The following RCOR3 variants were observed in gnomAD, a reference collection of about 807,000 sequenced individuals.
RCOR3 encodes the protein REST corepressor 3.
Under a neutral mutation model 64.1 loss-of-function variants are expected in RCOR3, and 13 were observed. The ratio of observed to expected loss-of-function variants is 0.20; its 90% CI spans 0.13 to 0.32. RCOR3 has a LOEUF of 0.32. Among genes scored for constraint, RCOR3 ranks in the 10% least tolerant of loss-of-function variants. The pLI is 1.00. For synonymous variants in RCOR3, 215 were observed against 239.0 expected, an observed-to-expected ratio of 0.90 and a Z score of 0.93; for missense variants, 489 against 701.2, an observed-to-expected ratio of 0.70 and a Z score of 3.42.
chr1:211,291,373 G>A (rs1193107825), intron 8 of RCOR3, among the ~76,000 whole-genome samples: 2 of 152,090 alleles, frequency 1.3e-5, no homozygotes, highest in Non-Finnish European at 2.9e-5. Context: ...GGAGCATTTT[G>A]GATTTTGGGT....
rs765587673 is a variant in RCOR3, at chr1:211,313,391, C to A, written c.1318-33C>A. On this transcript the variant is annotated intron_variant, in intron 11 of 11. Coordinates refer to ENST00000419091, the MANE Select transcript of RCOR3 (RefSeq NM_001136223.3). This position sits in a 1 kb window ranked among gnomAD's most constrained non-coding sequence, Gnocchi z 4.7. ...GTATTAAGTTCATTAGGACTTACAT[C>A]TCATACGTGTATTTTTGTTTCCTCA... The A allele has an allele frequency of 6.3e-7, 1 of 1,590,430 alleles. No homozygotes were observed.
rs755781408 is a variant in RCOR3 at position 211,312,091 on chromosome 1, G to GA, written c.1076-621dup. ...GATGAGTTAAAATCCAACTGACTCT[G>GA]AAAAAAAATCTTCTCTTTTTTCAAA... On this transcript the variant is annotated intron_variant, in intron 10 of 11. Transcript: ENST00000419091. The surrounding 1 kb of genome is among the most constrained non-coding windows in gnomAD (Gnocchi z 5.0). 6 of 218,828 alleles carry GA rather than the reference G, an allele frequency of 2.7e-5. No homozygotes were observed. Among genetic ancestry groups the GA allele is most frequent in the South Asian group, 1.2e-4 (2 of 16,726 alleles). The allele number at this position is 218,828 out of a possible 1,614,324, so 13.6% of individuals were successfully genotyped here. A position where few individuals can be genotyped will look rare whatever the true frequency, so the allele number is the denominator to read the frequency against.
At chr1:211,259,883 C>A in intron 1 of RCOR3, 157 bp downstream of exon 1, 3 of 1,078,270 alleles carry the variant, frequency 2.8e-6, no homozygotes, top group African/African-American at 1.8e-5. Context: ...AGCACCCCCG[C>A]GACCCCCCGT....
intron 7 of RCOR3, among the ~76,000 whole-genome samples, chr1:211,280,163 GT>G (rs1697580661): frequency 6.6e-6 from 1 of 152,174 alleles, no homozygotes; most frequent in Admixed American, 6.5e-5. Flanking sequence ...CTGGGCAGCT[GT>G]TTTGAACATT....
At chr1:211,272,863 C>T (rs934563365) in intron 3 of RCOR3, among the ~76,000 whole-genome samples, 1 of 151,500 alleles carries the variant, frequency 6.6e-6, no homozygotes, top group South Asian at 2.1e-4. Flanking sequence ...CCTCGTGATC[C>T]GCCCGCCTCG....
chr1:211,282,876 A>T (rs894356515), intron 7 of RCOR3, among the ~76,000 whole-genome samples: 1 of 152,150 alleles, frequency 6.6e-6, no homozygotes, highest in African/African-American at 2.4e-5. Flanking sequence ...CTTTCTTTAT[A>T]GTTTTATCAC....
chr1:211,278,007 C>T (rs1697251833), intron 5 of RCOR3, 110 bp from the exon 6 acceptor site: 2 of 910,244 alleles, frequency 2.2e-6, no homozygotes, highest in Admixed American at 5.9e-5. Context: ...CATAAAGGTA[C>T]CCATGAAATA....
At chr1:211,300,645 T>C (rs1700282886) in intron 9 of RCOR3, among the ~76,000 whole-genome samples, 1 of 152,256 alleles carries the variant, frequency 6.6e-6, no homozygotes, top group Non-Finnish European at 1.5e-5. Flanking sequence ...CTCATTATTT[T>C]ACTGTGTTAA....
intron 9 of RCOR3, chr1:211,301,787 G>A (rs1700409514): frequency 6.6e-6 from 1 of 151,854 alleles, no homozygotes; most frequent in Non-Finnish European, 1.5e-5. Context: ...CTTCTGATTT[G>A]TAAGCTTTCT....
Position 211,259,528 on chromosome 1 carries a change from T to G in RCOR3, c.-33T>G. The G allele has an allele frequency of 6.5e-7, 1 of 1,533,748 alleles. No individual in the cohort carries two copies. The highest frequency in any genetic ancestry group is 8.8e-7 in the Non-Finnish European group (1 of 1,138,948). ...CCGCCTTCACCCTGACGCCTGCCTC[T>G]TCCCCTCACCTTTCCCCCTCCCCTG... is the stretch of plus-strand genomic sequence containing the variant. On this transcript the variant is annotated 5_prime_UTR_variant, in exon 1 of 12. Coordinates refer to ENST00000419091, the MANE Select transcript of RCOR3 (RefSeq NM_001136223.3).
Position 211,259,395 on chromosome 1 carries a change from G to C in RCOR3, c.-166G>C, listed in dbSNP as rs1315602721. The C allele has an allele frequency of 1.3e-5, 8 of 619,052 alleles. No individual in the cohort carries two copies. The highest frequency in any genetic ancestry group is 3.4e-5 in the Admixed American group (1 of 29,556). The allele number at this position is 619,052 out of a possible 1,614,324, so 38.3% of individuals were successfully genotyped here. On this transcript the variant is annotated 5_prime_UTR_variant, in exon 1 of 12. Coordinates refer to ENST00000419091, the MANE Select transcript of RCOR3 (RefSeq NM_001136223.3). ...TTGTGAGGCGACTGCGCTACTGCCG[G>C]AGCGGGGCGGTTATGGCGGCTCCAT...
At position 211,312,043 on chromosome 1, in the gene RCOR3, CCATT is replaced by C. The variant is rs1429140584; in HGVS notation, c.1076-674_1076-671del. Among the ~76,000 whole-genome samples the C allele has an allele frequency of 6.6e-6, 1 of 152,248 alleles. No individual in the cohort carries two copies. Among genetic ancestry groups the C allele is most frequent in the Non-Finnish European group, 1.5e-5 (1 of 67,996 alleles). ...TATTCTTTAAGCTATCATCTTTCAT[CCATT>C]CAGTCTTTAAAACTACTAGATGAGT... On this transcript the variant is annotated intron_variant, in intron 10 of 11. Coordinates refer to ENST00000419091, the MANE Select transcript of RCOR3 (RefSeq NM_001136223.3). This position sits in a 1 kb window ranked among gnomAD's most constrained non-coding sequence, Gnocchi z 5.0.
At chr1:211,267,356 C>G (rs1695380865) in intron 2 of RCOR3, among the ~76,000 whole-genome samples, 1 of 152,186 alleles carries the variant, frequency 6.6e-6, no homozygotes, top group South Asian at 2.1e-4. Flanking sequence ...TATCAGTCAT[C>G]TCTTGGGCCT....
At chr1:211,308,131 T>C (rs1323965439) in intron 10 of RCOR3, among the ~76,000 whole-genome samples, 2 of 152,178 alleles carry the variant, frequency 1.3e-5, no homozygotes, top group South Asian at 2.1e-4. Flanking sequence ...ATGCATATCT[T>C]TTCATCTGAA....
At chr1:211,262,235 A>G (rs1694448934) in intron 2 of RCOR3, among the ~76,000 whole-genome samples, 2 of 151,412 alleles carry the variant, frequency 1.3e-5, no homozygotes, top group African/African-American at 4.8e-5. Context: ...ATGGGGTTTC[A>G]CTGTGTTGGC....
chr1:211,273,412 T>C (rs1255213991), intron 3 of RCOR3, among the ~76,000 whole-genome samples: 1 of 152,208 alleles, frequency 6.6e-6, no homozygotes, highest in Non-Finnish European at 1.5e-5. Flanking sequence ...GAATCAGGAT[T>C]CTTAACCACT....
At chr1:211,304,711 T>C (rs756152772) in intron 10 of RCOR3, among the ~76,000 whole-genome samples, 26 of 152,254 alleles carry the variant, frequency 1.7e-4, no homozygotes, top group Non-Finnish European at 2.6e-4. Context: ...GCATTTTCAA[T>C]GCACTATTTC....
intron 7 of RCOR3, among the ~76,000 whole-genome samples, chr1:211,285,399 T>C (rs1318670204): frequency 6.6e-6 from 1 of 152,220 alleles, no homozygotes; most frequent in Non-Finnish European, 1.5e-5. Flanking sequence ...TAATCTAACT[T>C]CTTGCCATAA....
chr1:211,260,101 T>C lies in RCOR3; in HGVS notation c.167-7T>C, dbSNP rs1411374397. ...TTTTATATATATTTTTTGGCATTGC[T>C]TTGCAGATGTTGGGATGAGAGTCGG... On this transcript the variant is annotated splice_polypyrimidine_tract_variant and splice_region_variant and intron_variant, in intron 1 of 11. Transcript: ENST00000419091. 1.2e-6 allele frequency: 2 copies of C among 1,608,556 alleles called. No homozygotes were observed. Among genetic ancestry groups the C allele is most frequent in the Non-Finnish European group, 8.5e-7 (1 of 1,176,620 alleles).
Sources: allele counts gnomAD v4.1 joint callset (sites outside exome capture counted in the v4.1 genomes callset), GRCh38; gene constraint gnomAD v4.1.1; non-coding constraint Gnocchi (gnomAD v3.1); transcripts MANE v1.5; gene names NCBI Gene and HGNC (gene_info 2026-07-23, HGNC 2026-07-21).